NAALADL2: variants seen among roughly 807,000 people sequenced by gnomAD.
NAALADL2 encodes the protein N-acetylated alpha-linked acidic dipeptidase like 2.
NAALADL2 carries 76 observed loss-of-function variants against 87.2 expected under a neutral mutation model. The observed-to-expected ratio is 0.87, with a 90% CI of 0.72 to 1.05. The LOEUF (loss-of-function observed/expected upper bound fraction) is 1.05, where lower values mean the gene tolerates loss of function less well. Among genes scored for constraint, NAALADL2 ranks in the 50% least tolerant of loss-of-function variants. The probability of loss-of-function intolerance (pLI) is 0.00; values close to 1 mark genes in which losing one functional copy is unlikely to be tolerated. For synonymous variants in NAALADL2, 354 were observed against 331.0 expected (o/e 1.07, Z -0.75); for missense variants, 1,089 against 945.8 (o/e 1.15, Z -1.99).
chr3:175,457,321 C>T (rs1003107359), intron 6 of NAALADL2, among the ~76,000 whole-genome samples: 3 of 152,026 alleles, frequency 2.0e-5, no homozygotes, highest in Non-Finnish European at 4.4e-5. Flanking sequence ...CTGCTACTAC[C>T]TATGATCACT....
intron 10 of NAALADL2, among the ~76,000 whole-genome samples, chr3:175,580,907 G>T (rs1235019207): frequency 6.6e-6 from 1 of 151,886 alleles, no homozygotes; most frequent in East Asian, 1.9e-4. Context: ...ACAGAGTTTT[G>T]ATTATATGGT....
At chr3:175,281,198 CT>C (rs958393837) in intron 4 of NAALADL2, among the ~76,000 whole-genome samples, 2 of 151,342 alleles carry the variant, frequency 1.3e-5, no homozygotes, top group Admixed American at 6.6e-5. Flanking sequence ...TTTAGAACTT[CT>C]TTTCTAAGAC....
chr3:175,791,923 A>T (rs1576844997), intron 13 of NAALADL2, among the ~76,000 whole-genome samples: 1 of 151,432 alleles, frequency 6.6e-6, no homozygotes, highest in Admixed American at 6.6e-5. Context: ...AAAAAAAAAA[A>T]CAACCCTGAT....
At chr3:174,460,605 AC>A (rs1426179823) in intron 1 of NAALADL2, among the ~76,000 whole-genome samples, 2 of 150,850 alleles carry the variant, frequency 1.3e-5, no homozygotes, top group Admixed American at 1.3e-4. Flanking sequence ...TTTTTTTCTT[AC>A]GGTTTTGAAA....
chr3:175,723,292 C>T (rs976818939), intron 11 of NAALADL2, among the ~76,000 whole-genome samples: 1 of 152,086 alleles, frequency 6.6e-6, no homozygotes, highest in Non-Finnish European at 1.5e-5. Flanking sequence ...TCTCAGTACT[C>T]CTCAATAACC....
At chr3:175,436,113 A>T (rs1312421038) in intron 5 of NAALADL2, among the ~76,000 whole-genome samples, 43 of 142,570 alleles carry the variant, frequency 3.0e-4, no homozygotes, top group Admixed American at 1.4e-4. Flanking sequence ...TGGTTTTTTG[A>T]TCTTGCGATA....
At chr3:174,528,486 G>A (rs956788452) in intron 1 of NAALADL2, among the ~76,000 whole-genome samples, 3 of 152,008 alleles carry the variant, frequency 2.0e-5, no homozygotes, top group African/African-American at 7.2e-5. Flanking sequence ...AAAAAACTTG[G>A]GTGTGACGGC....
At chr3:175,104,246 T>A (rs532828322) in intron 2 of NAALADL2, among the ~76,000 whole-genome samples, 52 of 152,152 alleles carry the variant, frequency 3.4e-4, no homozygotes, top group Non-Finnish European at 6.2e-4. Flanking sequence ...CAGTCTTAAA[T>A]GAGGGAGGCG....
chr3:175,092,006 A>G (rs926580519), intron 1 of NAALADL2, among the ~76,000 whole-genome samples: 1 of 151,710 alleles, frequency 6.6e-6, no homozygotes, highest in South Asian at 2.1e-4. Flanking sequence ...GAATATTTCT[A>G]TTTTCTTAGC....
intron 10 of NAALADL2, among the ~76,000 whole-genome samples, chr3:175,582,267 T>G (rs1719899692): frequency 6.6e-6 from 1 of 151,562 alleles, no homozygotes; most frequent in Admixed American, 6.6e-5. Flanking sequence ...AAAACACAAA[T>G]GGATAATTTA....
intron 1 of NAALADL2, among the ~76,000 whole-genome samples, chr3:175,018,069 G>A (rs1054524722): frequency 1.3e-5 from 2 of 151,926 alleles, no homozygotes; most frequent in African/African-American, 2.4e-5. Context: ...TTGGATAAGA[G>A]GTCTCCATGT....
intron 1 of NAALADL2, among the ~76,000 whole-genome samples, chr3:174,952,915 G>A (rs1173200722): frequency 6.6e-6 from 1 of 151,728 alleles, no homozygotes; most frequent in Non-Finnish European, 1.5e-5. Context: ...TTCACTCTCA[G>A]TAGTGTCCCA....
rs148133937 is a variant in NAALADL2 at position 175,152,080 on chromosome 3, T to A, written c.545+54789T>A. Among the ~76,000 whole-genome samples, 396 of 152,332 alleles carry A rather than the reference T, an allele frequency of 2.6e-3. 1 individual carries two copies. Among genetic ancestry groups the A allele is most frequent in the African/African-American group, 9.2e-3 (383 of 41,582 alleles). Reference sequence around the variant, plus strand: ...ACTGGGTAATGCCTAAGTAGTCTTCTTGTATAAGTTGGATCGTCATTGATT... The same window carrying A: ...ACTGGGTAATGCCTAAGTAGTCTTCATGTATAAGTTGGATCGTCATTGATT... On this transcript the variant is annotated intron_variant, in intron 2 of 13. Coordinates refer to ENST00000454872, the MANE Select transcript of NAALADL2 (RefSeq NM_207015.3).
chr3:175,599,150 G>A (rs1722626943), intron 10 of NAALADL2, among the ~76,000 whole-genome samples: 2 of 152,042 alleles, frequency 1.3e-5, no homozygotes, highest in African/African-American at 4.8e-5. Flanking sequence ...GAAAATTACT[G>A]CTAATGAATT....
intron 9 of NAALADL2, among the ~76,000 whole-genome samples, chr3:175,530,075 C>T (rs967979616): frequency 2.6e-5 from 4 of 152,274 alleles, no homozygotes; most frequent in Admixed American, 2.0e-4. Flanking sequence ...TGTTGCTGAG[C>T]CCATGTGTAA....
chr3:175,470,828 G>GT (rs949707020), intron 8 of NAALADL2, among the ~76,000 whole-genome samples: 2 of 151,906 alleles, frequency 1.3e-5, no homozygotes, highest in African/African-American at 2.4e-5. Flanking sequence ...AATGCATCAG[G>GT]TTTTTTTTAA....
rs189194042 is a variant in NAALADL2 at position 174,591,451 on chromosome 3, G to C, written c.-115+40814G>C. ...CTGCTATGGCATAATGAGTTCAGAG[G>C]GCATCTCTATTGATGCGGGTAAAGG... On this transcript the variant is annotated intron_variant, in intron 2 of 3. Coordinates refer to the NAALADL2 transcript ENST00000434257. Among the ~76,000 whole-genome samples the C allele has an allele frequency of 2.2e-3, 329 of 152,190 alleles. 2 individuals carry two copies. Among genetic ancestry groups the C allele is most frequent in the Admixed American group, 3.4e-3 (52 of 15,280 alleles).
chr3:174,790,839 CTTA>C (rs1388087031), intron 3 of NAALADL2, among the ~76,000 whole-genome samples: 1 of 151,800 alleles, frequency 6.6e-6, no homozygotes, highest in Non-Finnish European at 1.5e-5. Flanking sequence ...ATTATATTGT[CTTA>C]TTATTATTTA....
At chr3:175,106,077 C>A in intron 2 of NAALADL2, among the ~76,000 whole-genome samples, 1 of 152,064 alleles carries the variant, frequency 6.6e-6, no homozygotes, top group East Asian at 1.9e-4. Context: ...TTCCATCTCT[C>A]TTCTCCTCAG....
Sources: allele counts gnomAD v4.1 joint callset (sites outside exome capture counted in the v4.1 genomes callset), GRCh38; gene constraint gnomAD v4.1.1; transcripts MANE v1.5; gene names NCBI Gene and HGNC (gene_info 2026-07-23, HGNC 2026-07-21).